The following NIPAL1 variants were observed in gnomAD, a reference collection of about 807,000 sequenced individuals.
The protein encoded by NIPAL1 is NIPA like domain containing 1.
NIPAL1 carries 35 observed loss-of-function variants against 37.7 expected under a neutral mutation model. That is an observed-to-expected ratio of 0.93 (90% CI 0.71 to 1.23). The LOEUF is 1.23. NIPAL1 is among the 50% of genes most tolerant of loss of function. NIPAL1 has a pLI of 0.00. For missense variants in NIPAL1, 412 were observed against 473.9 expected (o/e 0.87, Z 1.21); for synonymous variants, 162 against 183.0 (o/e 0.89, Z 0.93).
intron 1 of NIPAL1, among the ~76,000 whole-genome samples, chr4:48,017,687 A>AG (rs539821503): frequency 6.0e-4 from 92 of 152,236 alleles, no homozygotes; most frequent in African/African-American, 2.1e-3. Context: ...AAAGTAGGGA[A>AG]GGGGGTAGGG....
chr4:48,033,500 C>A (rs1021587389), intron 4 of NIPAL1, among the ~76,000 whole-genome samples: 2 of 152,094 alleles, frequency 1.3e-5, no homozygotes, highest in African/African-American at 4.8e-5. Context: ...CTCATCAGAA[C>A]AAATTGCCAG....
At chr4:48,024,711 T>G (rs1356366848) in intron 1 of NIPAL1, among the ~76,000 whole-genome samples, 2 of 152,276 alleles carry the variant, frequency 1.3e-5, no homozygotes, top group East Asian at 3.9e-4. Flanking sequence ...TGGGCTGTGT[T>G]GAACTGTTGA....
intron 2 of NIPAL1, among the ~76,000 whole-genome samples, chr4:48,026,718 A>C (rs1009649594): frequency 1.6e-4 from 24 of 146,492 alleles, no homozygotes; most frequent in African/African-American, 5.7e-4. Context: ...TTTAAAAATA[A>C]AATTTTTTTT....
At position 48,033,229 on chromosome 4, in the gene NIPAL1, A is replaced by G. The variant is rs528865917; in HGVS notation, c.461+146A>G. ...GGCTCTAAAAGTCTAGATGAACCCA[A>G]ATTATTTCTGAGGCTCCTGGGAAGC... On this transcript the variant is annotated intron_variant, in intron 4 of 5. Transcript: ENST00000295461. The G allele has an allele frequency of 7.8e-6, 4 of 510,970 alleles. No homozygotes were observed. The African/African-American group carries it at 7.9e-5, about 10-fold the overall frequency. 31.7% of individuals were successfully genotyped at this position (510,970 alleles called of 1,614,324 possible).
intron 4 of NIPAL1, 57 bp from the exon 5 acceptor site, chr4:48,034,824 C>A (rs967030557): frequency 1.5e-6 from 2 of 1,365,282 alleles, no homozygotes; most frequent in Non-Finnish European, 2.1e-6. Context: ...TCTGAGCTGC[C>A]ATGGGATCAA....
chr4:48,036,128 G>T lies in NIPAL1; in HGVS notation c.1189G>T (p.Gly397Ter). The T allele has an allele frequency of 6.2e-7, 1 of 1,608,832 alleles. No individual in the cohort carries two copies. Among genetic ancestry groups the T allele is most frequent in the East Asian group, 2.2e-5 (1 of 44,852 alleles). ...LLENLECSAP[G>*]YNDDVTLFSR... ...AGAGAACTTGGAGTGTTCAGCCCCAGGATACAATGATGACGTTACCTTGTT... is the reference window on the plus strand; with the variant it reads ...AGAGAACTTGGAGTGTTCAGCCCCATGATACAATGATGACGTTACCTTGTT... Residue 397 changes from glycine to a stop codon, truncating the protein, a stop_gained, in exon 6 of 6, where the codon GGA becomes TGA. Coordinates refer to ENST00000295461, the MANE Select transcript of NIPAL1 (RefSeq NM_207330.3). LOFTEE classifies it high-confidence loss of function.
Position 48,038,167 on chromosome 4 carries a change from A to G in NIPAL1, c.*1995A>G, listed in dbSNP as rs889786177. 1 of 152,236 alleles carries G rather than the reference A, an allele frequency of 6.6e-6. No individual in the cohort carries two copies. Among genetic ancestry groups the G allele is most frequent in the African/African-American group, 2.4e-5 (1 of 41,450 alleles). 9.4% of individuals were successfully genotyped at this position (152,236 alleles called of 1,614,324 possible). ...GCAAGGCCCTAATGTTCCATTATACATTATAGTCTTTTCAGCATAGTTTAG... is the reference window on the plus strand; with the variant it reads ...GCAAGGCCCTAATGTTCCATTATACGTTATAGTCTTTTCAGCATAGTTTAG... On this transcript the variant is annotated 3_prime_UTR_variant, in exon 6 of 6. Coordinates refer to ENST00000295461, the MANE Select transcript of NIPAL1 (RefSeq NM_207330.3).
intron 1 of NIPAL1, among the ~76,000 whole-genome samples, chr4:48,021,102 G>C (rs978633042): frequency 6.6e-6 from 1 of 152,064 alleles, no homozygotes; most frequent in Admixed American, 6.6e-5. Flanking sequence ...GCTGGGAATT[G>C]GGTTACTTGG....
chr4:48,018,883 G>A (rs1339234095), intron 1 of NIPAL1, among the ~76,000 whole-genome samples: 1 of 152,108 alleles, frequency 6.6e-6, no homozygotes, highest in Non-Finnish European at 1.5e-5. Flanking sequence ...GTTTAGATTG[G>A]GTATTCAATG....
intron 1 of NIPAL1, 123 bp from the exon 2 acceptor site, chr4:48,024,945 T>C (rs1715652982): frequency 1.2e-6 from 1 of 808,796 alleles, no homozygotes; most frequent in African/African-American, 1.7e-5. Context: ...TGTTAGCGAC[T>C]TCCCTACATG....
At chr4:48,034,826 T>A in intron 4 of NIPAL1, 55 bp from the exon 5 acceptor site, 2 of 1,391,140 alleles carry the variant, frequency 1.4e-6, no homozygotes, top group Non-Finnish European at 2.0e-6. Context: ...TGAGCTGCCA[T>A]GGGATCAAAA....
At chr4:48,021,263 G>A (rs1292646520) in intron 1 of NIPAL1, among the ~76,000 whole-genome samples, 1 of 152,082 alleles carries the variant, frequency 6.6e-6, no homozygotes, top group East Asian at 1.9e-4. Flanking sequence ...AAGTAATTCT[G>A]AGAACAAACA....
intron 2 of NIPAL1, among the ~76,000 whole-genome samples, chr4:48,029,350 C>T (rs1406739681): frequency 6.6e-6 from 1 of 152,130 alleles, no homozygotes; most frequent in Non-Finnish European, 1.5e-5. Context: ...CATGTTCTTA[C>T]TTATAAGTGG....
rs1715859240 is a variant in NIPAL1 at position 48,033,188 on chromosome 4, A to T, written c.461+105A>T. On this transcript the variant is annotated intron_variant, in intron 4 of 5. Coordinates refer to ENST00000295461, the MANE Select transcript of NIPAL1 (RefSeq NM_207330.3). ...ATGGATATCTAAAAGCAAACACACAAATCTAGACCAACCTGGGCTCTAAAA... is the reference window on the plus strand; with the variant it reads ...ATGGATATCTAAAAGCAAACACACATATCTAGACCAACCTGGGCTCTAAAA... 5 of 671,476 alleles carry T rather than the reference A, an allele frequency of 7.4e-6. No individual in the cohort carries two copies. In the South Asian group the frequency reaches 1.0e-4, roughly 14 times the overall value. 41.6% of individuals were successfully genotyped at this position (671,476 alleles called of 1,614,324 possible).
rs1390476041 is a variant in NIPAL1 at position 48,025,237 on chromosome 4, G to T, written c.216G>T (p.Leu72Phe). Residue 72 changes from leucine to phenylalanine, a missense_variant, in exon 2 of 6, where the codon TTG becomes TTT. Leu to Phe is a conservative substitution (Grantham distance 22). Transcript: ENST00000295461. ...ACAAATACAGTCTTTATGTGGGCTT[G>T]GTACTGGCAGTAAGCTCAAGTATTT... ...VENKYSLYVGLVLAVSSSIFI... is the reference protein window; with the variant it reads ...VENKYSLYVGFVLAVSSSIFI... The T allele has an allele frequency of 1.9e-6, 3 of 1,614,142 alleles. No homozygotes were observed. The highest frequency in any genetic ancestry group is 1.6e-4 in the Middle Eastern group (1 of 6,062).
chr4:48,035,072 A>C, intron 5 of NIPAL1, 31 bp downstream of exon 5: 1 of 1,575,704 alleles, frequency 6.3e-7, no homozygotes, highest in Non-Finnish European at 8.7e-7. Context: ...AACCACTCAA[A>C]TTCTGCTCCA....
At position 48,038,626 on chromosome 4, in the gene NIPAL1, T is replaced by A. The variant is rs1336992727; in HGVS notation, c.*2454T>A. 1 of 152,208 alleles carries A rather than the reference T, an allele frequency of 6.6e-6. No homozygotes were observed. Among genetic ancestry groups the A allele is most frequent in the Non-Finnish European group, 1.5e-5 (1 of 68,028 alleles). The allele number at this position is 152,208 out of a possible 1,614,324, so 9.4% of individuals were successfully genotyped here. ...CCTGACCCAAAAAAGTATCTTCTGA[T>A]AAAGTGGCATTTGAAAATTGCAGAA... On this transcript the variant is annotated 3_prime_UTR_variant, in exon 6 of 6. Coordinates refer to ENST00000295461, the MANE Select transcript of NIPAL1 (RefSeq NM_207330.3).
chr4:48,019,504 G>T (rs971235817), intron 1 of NIPAL1, among the ~76,000 whole-genome samples: 3 of 152,224 alleles, frequency 2.0e-5, no homozygotes, highest in Non-Finnish European at 2.9e-5. Context: ...GGGAAGGCAG[G>T]AAAGGCCTCT....
At chr4:48,030,787 C>G (rs914947621) in intron 3 of NIPAL1, among the ~76,000 whole-genome samples, 1 of 152,196 alleles carries the variant, frequency 6.6e-6, no homozygotes, top group Non-Finnish European at 1.5e-5. Flanking sequence ...TGACTTCAGT[C>G]TCCCCACTAA....
Sources: allele counts gnomAD v4.1 joint callset (sites outside exome capture counted in the v4.1 genomes callset), GRCh38; gene constraint gnomAD v4.1.1; transcripts MANE v1.5; gene names NCBI Gene and HGNC (gene_info 2026-07-23, HGNC 2026-07-21).